PCNX2: variants seen among roughly 807,000 people sequenced by gnomAD.
The protein encoded by PCNX2 is pecanex-like protein 2.
In PCNX2, 168 loss-of-function variants were observed where a neutral mutation model predicts 223.8. The observed-to-expected ratio is 0.75, with a 90% CI of 0.66 to 0.85. The LOEUF (loss-of-function observed/expected upper bound fraction) is 0.85, where lower values mean the gene tolerates loss of function less well. Among genes scored for constraint, PCNX2 ranks in the 40% least tolerant of loss-of-function variants. The pLI is 0.00. For synonymous variants in PCNX2, 1,006 were observed against 1,052.6 expected (o/e 0.96, Z 0.86); for missense variants, 2,507 against 2,675.5 (o/e 0.94, Z 1.39).
intron 10 of PCNX2, among the ~76,000 whole-genome samples, chr1:233,226,185 T>C (rs770362171): frequency 2.0e-4 from 30 of 152,302 alleles, no homozygotes; most frequent in Non-Finnish European, 1.8e-4. Context: ...CTGAACATCA[T>C]AAACTGTTAT....
chr1:232,984,245 G>C lies in PCNX2; in HGVS notation c.*59C>G. 6.8e-7 allele frequency: 1 copy of C among 1,480,474 alleles called. No individual in the cohort carries two copies. The highest frequency in any genetic ancestry group is 9.0e-7 in the Non-Finnish European group (1 of 1,113,090). The allele number at this position is 1,480,474 out of a possible 1,614,324, so 91.7% of individuals were successfully genotyped here. On this transcript the variant is annotated 3_prime_UTR_variant, in exon 34 of 34. Transcript: ENST00000258229. ...TTGTGGTGATTTGGGGAGCACGAGG[G>C]AGAGCAATGCAGGTGGGAGGTGTGG...
the PCNX2 span, among the ~76,000 whole-genome samples, chr1:233,314,236 A>G: frequency 6.6e-6 from 1 of 151,702 alleles, no homozygotes; most frequent in South Asian, 2.1e-4. Flanking sequence ...ATATTTAGAG[A>G]GAGAGAGAGA....
At position 233,250,739 on chromosome 1, in the gene PCNX2, C is replaced by T. The variant is rs781218699; in HGVS notation, c.2222G>A (p.Arg741Gln). 1.1e-5 allele frequency: 18 copies of T among 1,601,048 alleles called. No individual in the cohort carries two copies. The highest frequency in any genetic ancestry group is 1.4e-5 in the Non-Finnish European group (16 of 1,174,204). The change falls in exon 8 of 34, where the codon CGA (arginine) becomes CAA (glutamine). Residue 741 changes from arginine (R) to glutamine (Q), a missense_variant and splice_region_variant. By Grantham distance (43) the Arg-to-Gln change is conservative (BLOSUM62 1). Coordinates refer to ENST00000258229, the MANE Select transcript of PCNX2 (RefSeq NM_014801.4). Reference sequence around the variant, plus strand: ...AGCCTGGAAACAAAGCTCCACTCACCGAGCCTGAGAGAGACAGTCATTATT... The same window carrying T: ...AGCCTGGAAACAAAGCTCCACTCACTGAGCCTGAGAGAGACAGTCATTATT... ...PSNNDCLSQA[R>Q]EMQVSSSSTT...
At chr1:233,009,279 A>G (rs1458850627) in intron 28 of PCNX2, among the ~76,000 whole-genome samples, 1 of 152,064 alleles carries the variant, frequency 6.6e-6, no homozygotes, top group Non-Finnish European at 1.5e-5. Context: ...TGTTATTTTC[A>G]CCCCTGAACT....
Position 233,001,505 on chromosome 1 carries a change from TAAATA to T in PCNX2, c.5097+27_5097+31del. On this transcript the variant is annotated intron_variant, in intron 29 of 33. Coordinates refer to ENST00000258229, the MANE Select transcript of PCNX2 (RefSeq NM_014801.4). The surrounding 1 kb of genome is among the most constrained non-coding windows in gnomAD (Gnocchi z 4.2). ...ATAAATAAATAAATAAATAAATAAA[TAAATA>T]AATAAATAAATAAAATAGGTTTTTA... 8.5e-7 allele frequency: 1 copy of T among 1,176,502 alleles called. No individual in the cohort carries two copies. Among genetic ancestry groups the T allele is most frequent in the Non-Finnish European group, 1.1e-6 (1 of 928,650 alleles). 72.9% of individuals were successfully genotyped at this position (1,176,502 alleles called of 1,614,324 possible). A position where few individuals can be genotyped will look rare whatever the true frequency, so the allele number is the denominator to read the frequency against.
chr1:233,125,731 G>T (rs1176515701), intron 21 of PCNX2, among the ~76,000 whole-genome samples: 1 of 152,164 alleles, frequency 6.6e-6, no homozygotes, highest in Admixed American at 6.5e-5. Flanking sequence ...TCTCTTTTGG[G>T]GGAGGATTAT....
the PCNX2 span, among the ~76,000 whole-genome samples, chr1:233,302,933 G>A: frequency 1.3e-5 from 2 of 152,224 alleles, no homozygotes; most frequent in African/African-American, 4.8e-5. Flanking sequence ...TTGTAAATGT[G>A]TGTGTCAGCT....
intron 1 of PCNX2, chr1:233,289,161 G>A (rs978197369): frequency 5.1e-5 from 43 of 839,560 alleles, no homozygotes; most frequent in Non-Finnish European, 8.7e-5. Context: ...TCTCCTTTAA[G>A]CGATAAAGAC....
intron 1 of PCNX2, among the ~76,000 whole-genome samples, chr1:233,279,439 T>A (rs1403843248): frequency 1.3e-5 from 2 of 151,788 alleles, no homozygotes; most frequent in East Asian, 3.9e-4. Flanking sequence ...TTTATATATA[T>A]GTGTGTGTAT....
rs187812522 is a variant in PCNX2 at position 233,051,083 on chromosome 1, A to G, written c.4351+3185T>C. Among the ~76,000 whole-genome samples, 29 of 152,344 alleles carry G rather than the reference A, an allele frequency of 1.9e-4. 2 individuals carry two copies. The highest frequency in any genetic ancestry group is 6.3e-4 in the African/African-American group (26 of 41,582). On this transcript the variant is annotated intron_variant, in intron 25 of 33. Transcript: ENST00000258229. ...CTAACACATGAAAAAAATGCTCAAC[A>G]TCACTAATCATCAGAGAAATGAAAA...
At chr1:233,112,724 AAATT>A in intron 21 of PCNX2, 5 of 698,666 alleles carry the variant, frequency 7.2e-6, no homozygotes, top group Non-Finnish European at 7.2e-6. Flanking sequence ...CAATATAACT[AAATT>A]CACATATTTA....
rs752881475 is a variant in PCNX2 at position 232,999,299 on chromosome 1, G to A, written c.5409C>T (p.Arg1803=). The stretch of plus-strand genomic sequence containing the variant: ...CCTGCTTATTGTTCTGGATACTGCC[G>A]CGCTCCGGATTGCGGTTGCGAAGAA... ...LIFLRNRNPE[R]GSIQNNKQVL... Residue 1803 remains arginine (R), a synonymous_variant, in exon 31 of 34, where the codon CGC becomes CGT. Coordinates refer to ENST00000258229, the MANE Select transcript of PCNX2 (RefSeq NM_014801.4). The A allele has an allele frequency of 1.1e-4, 171 of 1,610,420 alleles. No individual in the cohort carries two copies. Among genetic ancestry groups the A allele is most frequent in the South Asian group, 8.9e-4 (80 of 90,368 alleles).
chr1:233,245,960 A>G (rs887791880), intron 8 of PCNX2, among the ~76,000 whole-genome samples: 1 of 152,124 alleles, frequency 6.6e-6, no homozygotes, highest in Non-Finnish European at 1.5e-5. Context: ...TAAAATCAAC[A>G]ACATGAAACA....
intron 28 of PCNX2, among the ~76,000 whole-genome samples, chr1:233,002,274 G>A (rs577174056): frequency 4.8e-4 from 73 of 152,040 alleles, no homozygotes; most frequent in Non-Finnish European, 7.6e-4. Context: ...GAAGAGTGAG[G>A]CTTAAGAGGA....
chr1:233,282,002 T>C (rs1036683027), intron 1 of PCNX2, among the ~76,000 whole-genome samples: 6 of 152,148 alleles, frequency 3.9e-5, no homozygotes, highest in Non-Finnish European at 8.8e-5. Flanking sequence ...GTGCCCTTTT[T>C]CTGCTCCCTG....
chr1:233,038,831 C>T (rs183513747), intron 25 of PCNX2, among the ~76,000 whole-genome samples: 251 of 152,298 alleles, frequency 1.6e-3, no homozygotes, highest in South Asian at 4.3e-3. Flanking sequence ...TTTTAAATGT[C>T]CCCACAGGCC....
At chr1:232,994,902 G>GAACTGTGAGTCAATTAAACCT (rs1669824299) in intron 32 of PCNX2, among the ~76,000 whole-genome samples, 1 of 152,156 alleles carries the variant, frequency 6.6e-6, no homozygotes, top group African/African-American at 2.4e-5. Flanking sequence ...CAGCCATGCA[G>GAACTGTGAGTCAATTAAACCT]AACTGTGAGT....
At chr1:233,261,454 C>G (rs1448672741) in intron 3 of PCNX2, 133 bp from the exon 4 acceptor site, 1 of 751,276 alleles carries the variant, frequency 1.3e-6, no homozygotes, top group Non-Finnish European at 2.2e-6. Context: ...AGTGTTCACT[C>G]TCCTTAAGCT....
chr1:233,029,070 C>T (rs1351804987), intron 25 of PCNX2, among the ~76,000 whole-genome samples: 1 of 152,128 alleles, frequency 6.6e-6, no homozygotes, highest in Middle Eastern at 3.2e-3. Context: ...GAACTCCTGA[C>T]CTTGTGATCC....
Sources: gnomAD v4.1 joint callset for allele counts (sites outside exome capture counted in the v4.1 genomes callset) on GRCh38, gnomAD v4.1.1 for gene constraint, Gnocchi (gnomAD v3.1) non-coding constraint, MANE v1.5 for transcripts, NCBI Gene and HGNC (gene_info 2026-07-23, HGNC 2026-07-21) for gene names.